Variants in SGCZ observed in about 807,000 individuals in gnomAD.
The protein encoded by SGCZ is zeta-sarcoglycan.
SGCZ carries 40 observed loss-of-function variants against 41.3 expected under a neutral mutation model. The observed-to-expected ratio is 0.97, with a 90% CI of 0.75 to 1.26. The LOEUF is 1.26. SGCZ is among the 50% of genes most tolerant of loss of function. The pLI is 0.00. For missense variants in SGCZ, 552 were observed against 369.8 expected, an observed-to-expected ratio of 1.49 and a Z score of -4.04; for synonymous variants, 206 against 137.5, an observed-to-expected ratio of 1.50 and a Z score of -3.49.
At chr8:14,560,779 G>C (rs1322691856) in intron 1 of SGCZ, among the ~76,000 whole-genome samples, 1 of 151,796 alleles carries the variant, frequency 6.6e-6, no homozygotes, top group South Asian at 2.1e-4. Context: ...AAGCAACAGA[G>C]ATTTGGTAAC....
chr8:14,257,680 T>C (rs1799514023), intron 3 of SGCZ, among the ~76,000 whole-genome samples: 1 of 149,396 alleles, frequency 6.7e-6, no homozygotes, highest in African/African-American at 2.4e-5. Context: ...CCCCTTCCTG[T>C]GTCCAAGTGT....
At chr8:14,172,795 C>T (rs887251448) in intron 4 of SGCZ, among the ~76,000 whole-genome samples, 1 of 151,974 alleles carries the variant, frequency 6.6e-6, no homozygotes, top group Non-Finnish European at 1.5e-5. Context: ...GGCAATGAAA[C>T]GGAGAAAGGG....
chr8:14,325,311 A>G (rs1250724593), intron 2 of SGCZ, among the ~76,000 whole-genome samples: 1 of 151,994 alleles, frequency 6.6e-6, no homozygotes, highest in Non-Finnish European at 1.5e-5. Context: ...ACAGAAAGGA[A>G]GAACTTTCAA....
intron 1 of SGCZ, among the ~76,000 whole-genome samples, chr8:14,852,355 AT>A (rs531049917): frequency 2.2e-4 from 33 of 152,314 alleles, no homozygotes; most frequent in African/African-American, 7.9e-4. Context: ...AGGACAAAAA[AT>A]ATTCAAAGAT....
intron 5 of SGCZ, among the ~76,000 whole-genome samples, chr8:14,117,660 G>A (rs993652894): frequency 6.6e-6 from 1 of 151,530 alleles, no homozygotes; most frequent in Non-Finnish European, 1.5e-5. Context: ...AGGTATACGT[G>A]TGCCATAGTG....
At chr8:15,104,024 T>C (rs562704003) in intron 1 of SGCZ, among the ~76,000 whole-genome samples, 175 of 152,322 alleles carry the variant, frequency 1.1e-3, no homozygotes, top group Non-Finnish European at 2.0e-3. Context: ...GGCATTTTCA[T>C]GATTCTCCCA....
At chr8:15,116,273 G>A (rs1807264952) in intron 1 of SGCZ, among the ~76,000 whole-genome samples, 1 of 152,140 alleles carries the variant, frequency 6.6e-6, no homozygotes, top group Non-Finnish European at 1.5e-5. Context: ...TCTTTTAGCA[G>A]TATTTGGCTA....
At chr8:14,300,232 T>C (rs1360156828) in intron 3 of SGCZ, among the ~76,000 whole-genome samples, 1 of 150,104 alleles carries the variant, frequency 6.7e-6, no homozygotes, top group Non-Finnish European at 1.5e-5. Flanking sequence ...AACAAAATTC[T>C]ACAGCTAAAT....
intron 2 of SGCZ, among the ~76,000 whole-genome samples, chr8:14,386,943 A>C (rs535744912): frequency 1.3e-5 from 2 of 152,236 alleles, no homozygotes; most frequent in Non-Finnish European, 2.9e-5. Context: ...ATAGAATAAA[A>C]TGGCGAAGGC....
chr8:14,490,143 G>A (rs1801802095), intron 2 of SGCZ, among the ~76,000 whole-genome samples: 3 of 152,088 alleles, frequency 2.0e-5, no homozygotes, highest in Non-Finnish European at 4.4e-5. Context: ...TGGGATTACA[G>A]GTGTGAGCCA....
chr8:14,844,910 G>A (rs1009479941), intron 1 of SGCZ, among the ~76,000 whole-genome samples: 2 of 152,192 alleles, frequency 1.3e-5, no homozygotes, highest in African/African-American at 4.8e-5. Flanking sequence ...CTGTGACAGA[G>A]TTTTCAGATG....
intron 1 of SGCZ, among the ~76,000 whole-genome samples, chr8:14,610,110 C>T (rs904347087): frequency 3.9e-5 from 6 of 152,070 alleles, no homozygotes; most frequent in African/African-American, 1.4e-4. Context: ...TTTGGGGAGG[C>T]AAATTTCTAG....
chr8:14,424,004 A>C (rs151254078), intron 2 of SGCZ, among the ~76,000 whole-genome samples: 78 of 152,312 alleles, frequency 5.1e-4, no homozygotes, highest in African/African-American at 1.9e-3. Context: ...TATATGAGTT[A>C]TTGTTGGGGA....
At chr8:14,784,924 A>ATATAATATATATATTTTTTATAT (rs1800712076) in intron 1 of SGCZ, among the ~76,000 whole-genome samples, 2 of 105,868 alleles carry the variant, frequency 1.9e-5, no homozygotes, top group African/African-American at 7.0e-5. Context: ...ATATATATAT[A>ATATAATATATATATTTTTTATAT]TATATATATA....
intron 1 of SGCZ, among the ~76,000 whole-genome samples, chr8:14,725,052 TGAG>T (rs1810006703): frequency 6.6e-6 from 1 of 152,146 alleles, no homozygotes; most frequent in Non-Finnish European, 1.5e-5. Flanking sequence ...TCTATCTCCA[TGAG>T]GTCAACTTTT....
chr8:14,219,662 A>T (rs979727409), intron 4 of SGCZ, among the ~76,000 whole-genome samples: 2 of 151,998 alleles, frequency 1.3e-5, no homozygotes, highest in Non-Finnish European at 2.9e-5. Context: ...CAGGAGAATC[A>T]CTTGTACTTG....
At chr8:14,215,542 G>A (rs559203008) in intron 4 of SGCZ, among the ~76,000 whole-genome samples, 1 of 151,346 alleles carries the variant, frequency 6.6e-6, no homozygotes, top group South Asian at 2.1e-4. Flanking sequence ...AAAAAATAGA[G>A]AAAAATCAAT....
intron 1 of SGCZ, among the ~76,000 whole-genome samples, chr8:14,883,787 T>G (rs1804684791): frequency 6.6e-6 from 1 of 151,104 alleles, no homozygotes; most frequent in Non-Finnish European, 1.5e-5. Flanking sequence ...TTTTTTTTTT[T>G]TTTTTTTTTT....
intron 4 of SGCZ, among the ~76,000 whole-genome samples, chr8:14,230,770 G>GT (rs1186951680): frequency 6.6e-6 from 1 of 150,770 alleles, no homozygotes; most frequent in Non-Finnish European, 1.5e-5. Context: ...TGGTGGTGGG[G>GT]GGGTGGTTAC....
Sources: gnomAD v4.1 joint callset for allele counts (sites outside exome capture counted in the v4.1 genomes callset) on GRCh38, gnomAD v4.1.1 for gene constraint, MANE v1.5 for transcripts, NCBI Gene and HGNC (gene_info 2026-07-23, HGNC 2026-07-21) for gene names.